ZNF141: variants seen among roughly 807,000 people sequenced by gnomAD.
The protein encoded by ZNF141 is zinc finger protein 141.
ZNF141 carries 7 observed loss-of-function variants against 11.3 expected under a neutral mutation model. The observed-to-expected ratio is 0.62, with a 90% CI of 0.35 to 1.16. The LOEUF (loss-of-function observed/expected upper bound fraction) is 1.16. ZNF141 is among the 50% of genes most tolerant of loss of function. ZNF141 has a pLI of 0.02. For missense variants in ZNF141, 535 were observed against 554.0 expected (o/e 0.97, Z 0.34); for synonymous variants, 183 against 190.7 (o/e 0.96, Z 0.33).
intron 3 of ZNF141, among the ~76,000 whole-genome samples, chr4:347,634 C>G (rs529085337): frequency 1.3e-5 from 2 of 151,638 alleles, no homozygotes; most frequent in African/African-American, 4.8e-5. Context: ...CCAAGGAGCC[C>G]GGCCGCGCCC....
Position 375,225 on chromosome 4 carries a change from A to G in ZNF141, c.*1363A>G, listed in dbSNP as rs1453516946. The G allele has an allele frequency of 1.3e-5, 2 of 152,168 alleles. No individual in the cohort carries two copies. Among genetic ancestry groups the G allele is most frequent in the African/African-American group, 4.8e-5 (2 of 41,458 alleles). The allele number at this position is 152,168 out of a possible 1,614,324, so 9.4% of individuals were successfully genotyped here. ...GACTTCAGAAAATATAGGCCTTTAA[A>G]GTGAAGAAGAGTATTCTTAAGACAA... On this transcript the variant is annotated 3_prime_UTR_variant, in exon 4 of 4. Coordinates refer to ENST00000240499, the MANE Select transcript of ZNF141 (RefSeq NM_003441.4).
rs782310418 is a variant in ZNF141, at chr4:373,135, G to A, written c.698G>A (p.Gly233Asp). ...AAACCTTTTACTTGTGAAGAATGTG[G>A]CAGCATCTTTACCACATCCTCACAC... Reference protein sequence around the residue: ...GEKPFTCEECGSIFTTSSHFA... With the variant: ...GEKPFTCEECDSIFTTSSHFA... The change falls in exon 4 of 4, where the codon GGC (glycine) becomes GAC (aspartate). Residue 233 changes from glycine (G) to aspartate (D), a missense_variant. Coordinates refer to ENST00000240499, the MANE Select transcript of ZNF141 (RefSeq NM_003441.4). The A allele has an allele frequency of 3.1e-6, 5 of 1,613,972 alleles. No individual in the cohort carries two copies. Among genetic ancestry groups the A allele is most frequent in the Middle Eastern group, 1.6e-4 (1 of 6,062 alleles).
At chr4:338,712 A>G (rs573028055) in intron 1 of ZNF141, 1 of 153,586 alleles carries the variant, frequency 6.5e-6, no homozygotes, top group South Asian at 2.1e-4. Context: ...AGAGGCAGGG[A>G]CTGGCGTCTG....
intron 3 of ZNF141, among the ~76,000 whole-genome samples, chr4:362,281 C>G (rs1434282927): frequency 6.6e-6 from 1 of 152,208 alleles, no homozygotes; most frequent in Admixed American, 6.5e-5. Context: ...GTTATTAGCC[C>G]TTTGTTGGAT....
At chr4:342,926 G>T in intron 1 of ZNF141, 1 of 1,565,532 alleles carries the variant, frequency 6.4e-7, no homozygotes, top group East Asian at 2.2e-5. Context: ...TTAGTGTCAG[G>T]ATCTACTTCA....
At chr4:359,632 A>G (rs574411637) in intron 3 of ZNF141, among the ~76,000 whole-genome samples, 1 of 152,278 alleles carries the variant, frequency 6.6e-6, no homozygotes, top group East Asian at 1.9e-4. Flanking sequence ...CTGCTTCACA[A>G]TTCACGGTGG....
intron 3 of ZNF141, among the ~76,000 whole-genome samples, chr4:359,423 G>A (rs1379989450): frequency 1.3e-5 from 2 of 152,184 alleles, no homozygotes; most frequent in African/African-American, 4.8e-5. Context: ...CATTGGACAG[G>A]TTTCTAGATG....
In ZNF141 at chr4:380,453, A is replaced by T. The variant is rs567814696; in HGVS notation, c.*6591A>T. 2.6e-5 allele frequency among the ~76,000 whole-genome samples: 4 copies of T among 152,202 alleles called. No individual in the cohort carries two copies. Among genetic ancestry groups the T allele is most frequent in the Admixed American group, 1.3e-4 (2 of 15,280 alleles). On this transcript the variant is annotated 3_prime_UTR_variant, in exon 4 of 4. Coordinates refer to ENST00000240499, the MANE Select transcript of ZNF141 (RefSeq NM_003441.4). ...TGGATCATGAGGTCAGGAGTTTGAG[A>T]CCAGTCTGGCCAACATGGTGAAACC...
intron 3 of ZNF141, 50 bp from the exon 4 acceptor site, chr4:372,614 T>C (rs561774674): frequency 7.2e-7 from 1 of 1,398,058 alleles, no homozygotes; most frequent in South Asian, 1.6e-5. Flanking sequence ...GTAAAGTATA[T>C]TTATATGAAT....
chr4:372,978 C>T lies in ZNF141; in HGVS notation c.541C>T (p.Gln181Ter). The change falls in exon 4 of 4, where the codon CAG (glutamine) becomes TAG (stop). Residue 181 changes from glutamine (Q) to a stop codon, truncating the protein, a stop_gained. Coordinates refer to ENST00000240499, the MANE Select transcript of ZNF141 (RefSeq NM_003441.4). LOFTEE classifies it low-confidence loss of function (END_TRUNC). ...CTTTAAAGAATGTGGCAAATCATTT[C>T]AGAAGTTTTCACACCTAACTCAACA... Reference protein sequence around the residue: ...KHFKECGKSFQKFSHLTQHKV... With the variant: ...KHFKECGKSF 6.2e-7 allele frequency: 1 copy of T among 1,613,996 alleles called. No homozygotes were observed. Among genetic ancestry groups the T allele is most frequent in the Non-Finnish European group, 8.5e-7 (1 of 1,179,956 alleles).
At chr4:345,173 C>T (rs1553849345) in intron 3 of ZNF141, among the ~76,000 whole-genome samples, 2 of 152,144 alleles carry the variant, frequency 1.3e-5, no homozygotes, top group African/African-American at 4.8e-5. Flanking sequence ...ATCCCAGGAA[C>T]ACCAAGGACA....
chr4:350,443 A>T (rs1418578124), intron 3 of ZNF141, among the ~76,000 whole-genome samples: 6 of 152,248 alleles, frequency 3.9e-5, no homozygotes, highest in Non-Finnish European at 8.8e-5. Context: ...GTAGCATCTG[A>T]CAAGACATTT....
At chr4:340,535 T>C (rs1720996510) in intron 1 of ZNF141, among the ~76,000 whole-genome samples, 1 of 152,210 alleles carries the variant, frequency 6.6e-6, no homozygotes, top group Non-Finnish European at 1.5e-5. Context: ...CTTCTCCCCT[T>C]GCCCAAATGC....
In ZNF141 at chr4:375,052, A is replaced by G. The variant is rs1226534635; in HGVS notation, c.*1190A>G. The G allele has an allele frequency of 3.9e-5, 6 of 152,282 alleles. No individual in the cohort carries two copies. The highest frequency in any genetic ancestry group is 1.9e-4 in the East Asian group (1 of 5,190). The allele number at this position is 152,282 out of a possible 1,614,324, so 9.4% of individuals were successfully genotyped here. On this transcript the variant is annotated 3_prime_UTR_variant, in exon 4 of 4. Coordinates refer to ENST00000240499, the MANE Select transcript of ZNF141 (RefSeq NM_003441.4). ...AAAAAATGTGGCAGGATTTTTACCA[A>G]TGCTCATCTTTTTGCACATGATATC...
At chr4:363,775 G>C (rs571989917) in intron 3 of ZNF141, among the ~76,000 whole-genome samples, 3 of 111,788 alleles carry the variant, frequency 2.7e-5, no homozygotes, top group Non-Finnish European at 5.4e-5. Context: ...AAAAAAAGGC[G>C]GGGGGGAATG....
At chr4:356,286 A>G (rs1200601591) in intron 3 of ZNF141, among the ~76,000 whole-genome samples, 2 of 151,530 alleles carry the variant, frequency 1.3e-5, no homozygotes, top group South Asian at 2.1e-4. Context: ...TAGAGCCCTC[A>G]TGACCTAATA....
intron 3 of ZNF141, among the ~76,000 whole-genome samples, chr4:351,177 C>G (rs937065727): frequency 7.9e-5 from 12 of 152,074 alleles, no homozygotes; most frequent in Non-Finnish European, 1.3e-4. Flanking sequence ...TGAGGCCTCC[C>G]CAAAAGTAGA....
Position 374,018 on chromosome 4 carries a change from A to G in ZNF141, c.*156A>G. 1 of 712,214 alleles carries G rather than the reference A, an allele frequency of 1.4e-6. No individual in the cohort carries two copies. The highest frequency in any genetic ancestry group is 2.4e-6 in the Non-Finnish European group (1 of 416,290). 44.1% of individuals were successfully genotyped at this position (712,214 alleles called of 1,614,324 possible). ...TCTCAAACCTTGATAAACATAAGAG[A>G]ATTCATACCGGAGAGAAACTGTACA... On this transcript the variant is annotated 3_prime_UTR_variant, in exon 4 of 4. Coordinates refer to ENST00000240499, the MANE Select transcript of ZNF141 (RefSeq NM_003441.4).
rs1553848762 is a variant in ZNF141 at position 343,026 on chromosome 4, TAAAAA to T, written c.4-754_4-750del. ...GTATTAAAAAAGTTCCTTGCATGATTAAAAAAGTATTAAAAAAGTTCCTTGCATGA... is the reference window on the plus strand; with the variant it reads ...GTATTAAAAAAGTTCCTTGCATGATTAGTATTAAAAAAGTTCCTTGCATGA... On this transcript the variant is annotated intron_variant, in intron 1 of 3. Coordinates refer to ENST00000240499, the MANE Select transcript of ZNF141 (RefSeq NM_003441.4). The T allele has an allele frequency of 2.4e-3, 1,983 of 834,990 alleles. 27 individuals carry two copies. In the African/African-American group the frequency reaches 0.03, roughly 12 times the overall value. 51.7% of individuals were successfully genotyped at this position (834,990 alleles called of 1,614,324 possible).
Sources: allele counts gnomAD v4.1 joint callset (sites outside exome capture counted in the v4.1 genomes callset), GRCh38; gene constraint gnomAD v4.1.1; transcripts MANE v1.5; gene names NCBI Gene and HGNC (gene_info 2026-07-23, HGNC 2026-07-21).